The following STRBP variants were observed in gnomAD, a reference collection of about 807,000 sequenced individuals.
STRBP encodes the protein spermatid perinuclear RNA binding protein.
A neutral mutation model predicts 80.1 loss-of-function variants in STRBP; 13 were observed. The observed-to-expected ratio is 0.16, with a 90% confidence interval of 0.11 to 0.26. The LOEUF (loss-of-function observed/expected upper bound fraction) is 0.26, where lower values mean the gene tolerates loss of function less well. STRBP is among the 10% of genes least tolerant of loss of function. The probability of loss-of-function intolerance (pLI) is 1.00; values close to 1 mark genes in which losing one functional copy is unlikely to be tolerated. For missense variants in STRBP, 485 were observed against 815.2 expected, an observed-to-expected ratio of 0.59 and a Z score of 4.93; for synonymous variants, 284 against 291.2, an observed-to-expected ratio of 0.98 and a Z score of 0.25.
chr9:123,115,200 C>T lies in STRBP; in HGVS notation c.*84+729G>A, dbSNP rs1440158022. On this transcript the variant is annotated intron_variant and NMD_transcript_variant, in intron 3 of 3. Coordinates refer to the STRBP transcript ENST00000471564. The surrounding 1 kb of genome is among the most constrained non-coding windows in gnomAD (Gnocchi z 5.0). ...CCTTCACACTCCCCAAGTGGGCACA[C>T]TCTCTCTGTGCATGCATGCCAGGCC... 2.1e-6 allele frequency: 1 copy of T among 471,150 alleles called. No individual in the cohort carries two copies. The highest frequency in any genetic ancestry group is 4.4e-6 in the Non-Finnish European group (1 of 227,008). The allele number at this position is 471,150 out of a possible 1,614,324, so 29.2% of individuals were successfully genotyped here.
intron 1 of STRBP, among the ~76,000 whole-genome samples, chr9:123,265,938 A>G (rs983970327): frequency 2.0e-5 from 3 of 152,210 alleles, no homozygotes; most frequent in African/African-American, 7.2e-5. Context: ...AGCTAGGTGT[A>G]CATTACTTCT....
rs1244813672 is a variant in STRBP at position 123,179,100 on chromosome 9, T to G, written c.131A>C (p.His44Pro). 6.2e-7 allele frequency: 1 copy of G among 1,614,188 alleles called. No homozygotes were observed. Among genetic ancestry groups the G allele is most frequent in the Non-Finnish European group, 8.5e-7 (1 of 1,180,012 alleles). Reference sequence around the variant, plus strand: ...TGTTTCATCCAACCAATCTGAGACATGTTTAAGAGCACATTCAACAGTAGA... The same window carrying G: ...TGTTTCATCCAACCAATCTGAGACAGGTTTAAGAGCACATTCAACAGTAGA... ...MVSTVECALKHVSDWLDETNK... is the reference protein window; with the variant it reads ...MVSTVECALKPVSDWLDETNK... Residue 44 changes from histidine (H) to proline (P), a missense_variant, in exon 4 of 19, where the codon CAT becomes CCT. Transcript: ENST00000348403.
At chr9:123,222,935 C>T (rs2040112101) in intron 2 of STRBP, among the ~76,000 whole-genome samples, 1 of 151,500 alleles carries the variant, frequency 6.6e-6, no homozygotes. Flanking sequence ...AAAAAGATGT[C>T]TTTCGAGGTG....
chr9:123,190,751 C>G (rs1222182074), intron 2 of STRBP, among the ~76,000 whole-genome samples: 1 of 152,176 alleles, frequency 6.6e-6, no homozygotes, highest in Non-Finnish European at 1.5e-5. Flanking sequence ...GAATGAGATT[C>G]CTGAATATTT....
At position 123,125,124 on chromosome 9, in the gene STRBP, A is replaced by G; in HGVS notation, c.*473T>C. On this transcript the variant is annotated 3_prime_UTR_variant, in exon 19 of 19. Coordinates refer to ENST00000348403, the MANE Select transcript of STRBP (RefSeq NM_018387.5). ...ATGAAAAGTCTCTATTGTATTAAAA[A>G]AAATAACTACAGCCCAAATTAAAGT... 1 of 986,138 alleles carries G rather than the reference A, an allele frequency of 1.0e-6. No individual in the cohort carries two copies. Among genetic ancestry groups the G allele is most frequent in the Non-Finnish European group, 1.2e-6 (1 of 830,126 alleles). 61.1% of individuals were successfully genotyped at this position (986,138 alleles called of 1,614,324 possible). A position where few individuals can be genotyped will look rare whatever the true frequency, so the allele number is the denominator to read the frequency against.
intron 2 of STRBP, among the ~76,000 whole-genome samples, chr9:123,233,367 A>G (rs1214554640): frequency 5.9e-5 from 9 of 152,174 alleles, no homozygotes. Context: ...CTGAGCCCCT[A>G]TGCCAGGCTT....
chr9:123,115,917 C>A lies in STRBP; in HGVS notation c.*84+12G>T. 1 of 429,298 alleles carries A rather than the reference C, an allele frequency of 2.3e-6. No individual in the cohort carries two copies. The highest frequency in any genetic ancestry group is 1.7e-5 in the South Asian group (1 of 60,144). 26.6% of individuals were successfully genotyped at this position (429,298 alleles called of 1,614,324 possible). On this transcript the variant is annotated intron_variant and NMD_transcript_variant, in intron 3 of 3. Transcript: ENST00000471564. This position sits in a 1 kb window ranked among gnomAD's most constrained non-coding sequence, Gnocchi z 5.0. ...CCACATACAACAAATAAATATAATC[C>A]CTTAAAAATACCTGGCAGGAGTGCC... is the stretch of plus-strand genomic sequence containing the variant.
chr9:123,185,203 T>C (rs1588063605), intron 2 of STRBP, among the ~76,000 whole-genome samples: 1 of 151,706 alleles, frequency 6.6e-6, no homozygotes, highest in East Asian at 1.9e-4. Flanking sequence ...ACAAAGAAAA[T>C]AACTTTCTCT....
At chr9:123,157,411 G>A (rs1179052702) in intron 11 of STRBP, among the ~76,000 whole-genome samples, 1 of 152,178 alleles carries the variant, frequency 6.6e-6, no homozygotes, top group African/African-American at 2.4e-5. Context: ...ATAGCCAAAT[G>A]AGTTAGTCAC....
intron 3 of STRBP, chr9:123,114,741 TTG>T (rs1014094193): frequency 5.1e-6 from 1 of 195,836 alleles, no homozygotes; most frequent in African/African-American, 2.4e-5. Flanking sequence ...AGAAACACCA[TTG>T]TTCCCTCTAT....
chr9:123,133,027 T>C, intron 16 of STRBP, 59 bp from the exon 17 acceptor site: 3 of 1,592,474 alleles, frequency 1.9e-6, no homozygotes, highest in South Asian at 2.3e-5. Context: ...ATTTCTTCTA[T>C]CATCTCTTCA....
At chr9:123,198,570 T>A (rs1449152402) in intron 2 of STRBP, among the ~76,000 whole-genome samples, 2 of 152,222 alleles carry the variant, frequency 1.3e-5, no homozygotes, top group Non-Finnish European at 2.9e-5. Flanking sequence ...TTTACTCTAT[T>A]ATTTCTTTTG....
intron 2 of STRBP, among the ~76,000 whole-genome samples, chr9:123,228,627 A>G (rs2040312614): frequency 6.6e-6 from 1 of 152,204 alleles, no homozygotes; most frequent in Non-Finnish European, 1.5e-5. Context: ...TGATGTTACT[A>G]ATGACCTTGT....
rs1363864977 is a variant in STRBP at position 123,124,337 on chromosome 9, C to G, written c.*1260G>C. ...TGAGTACCTTAATGAAACCATTGAC[C>G]TAGTAACATCATTGGCTTTCCAAAC... On this transcript the variant is annotated 3_prime_UTR_variant, in exon 19 of 19. Transcript: ENST00000348403. 5 of 985,304 alleles carry G rather than the reference C, an allele frequency of 5.1e-6. No homozygotes were observed. The highest frequency in any genetic ancestry group is 2.3e-4 in the East Asian group (2 of 8,826). The allele number at this position is 985,304 out of a possible 1,614,324, so 61.0% of individuals were successfully genotyped here. A position where few individuals can be genotyped will look rare whatever the true frequency, so the allele number is the denominator to read the frequency against.
intron 18 of STRBP, among the ~76,000 whole-genome samples, chr9:123,125,918 A>G (rs554620290): frequency 6.6e-6 from 1 of 152,310 alleles, no homozygotes; most frequent in African/African-American, 2.4e-5. Flanking sequence ...AAGCAATTTC[A>G]TTGAGTGAGC....
chr9:123,117,703 T>C (rs2132280369), downstream of STRBP, among the ~76,000 whole-genome samples: 1 of 152,340 alleles, frequency 6.6e-6, no homozygotes, highest in Middle Eastern at 3.4e-3. Flanking sequence ...TGTGCTCCTC[T>C]TCCTTGTACC....
chr9:123,153,609 G>A lies in STRBP; in HGVS notation c.1045+4403C>T, dbSNP rs1588003552. On this transcript the variant is annotated intron_variant, in intron 11 of 18. Coordinates refer to ENST00000348403, the MANE Select transcript of STRBP (RefSeq NM_018387.5). ...AGCAAACGGAGAGTTTCCAATGACT[G>A]GGACAGGGATAACTATAGAAAGAGA... is the stretch of plus-strand genomic sequence containing the variant. Among the ~76,000 whole-genome samples the A allele has an allele frequency of 3.3e-5, 5 of 152,314 alleles. No homozygotes were observed. The South Asian group carries it at 8.3e-4, about 25-fold the overall frequency.
chr9:123,122,625 C>T lies in STRBP; in HGVS notation c.*2972G>A, dbSNP rs2035767996. 1.2e-5 allele frequency: 13 copies of T among 1,053,122 alleles called. No individual in the cohort carries two copies. The highest frequency in any genetic ancestry group is 1.5e-5 in the Non-Finnish European group (13 of 871,996). 65.2% of individuals were successfully genotyped at this position (1,053,122 alleles called of 1,614,324 possible). On this transcript the variant is annotated 3_prime_UTR_variant, in exon 19 of 19. Coordinates refer to ENST00000348403, the MANE Select transcript of STRBP (RefSeq NM_018387.5). ...TGTTGGAAATCTACTGGACCAATTA[C>T]CTTGCACAAGAGATGGGGTACTCCT...
chr9:123,164,041 TTTTTG>T (rs2037643209), intron 6 of STRBP, among the ~76,000 whole-genome samples: 1 of 151,776 alleles, frequency 6.6e-6, no homozygotes, highest in South Asian at 2.1e-4. Flanking sequence ...TGTTTGCTTG[TTTTTG>T]TTTTGTTTTT....
Sources: allele counts gnomAD v4.1 joint callset (sites outside exome capture counted in the v4.1 genomes callset), GRCh38; gene constraint gnomAD v4.1.1; non-coding constraint Gnocchi (gnomAD v3.1); transcripts MANE v1.5; gene names NCBI Gene and HGNC (gene_info 2026-07-23, HGNC 2026-07-21).